The following ALDH3B2 variants were observed in gnomAD, a reference collection of about 807,000 sequenced individuals.
ALDH3B2 encodes aldehyde dehydrogenase family 3 member B2.
ALDH3B2 carries 45 observed loss-of-function variants against 36.7 expected under a neutral mutation model. The observed-to-expected ratio is 1.23, with a 90% CI of 0.97 to 1.57. The LOEUF is 1.57. Ranked by LOEUF, ALDH3B2 falls within the 40% of genes most tolerant of loss-of-function variation. ALDH3B2 has a pLI of 0.00. For missense variants in ALDH3B2, 464 were observed against 513.3 expected, an observed-to-expected ratio of 0.90 and a Z score of 0.93; for synonymous variants, 217 against 226.5, an observed-to-expected ratio of 0.96 and a Z score of 0.38.
intron 1 of ALDH3B2, among the ~76,000 whole-genome samples, chr11:67,668,283 T>G (rs1251206226): frequency 6.6e-6 from 1 of 152,038 alleles, no homozygotes; most frequent in African/African-American, 2.4e-5. Context: ...CTGGTATGGG[T>G]GGGCACAGGT....
intron 3 of ALDH3B2, 52 bp downstream of exon 3, chr11:67,666,854 G>C: frequency 5.6e-6 from 9 of 1,613,860 alleles, no homozygotes; most frequent in Non-Finnish European, 7.6e-6. Context: ...GCCTGGGCCA[G>C]AGCTACCCGG....
chr11:67,679,756 A>C (rs547820276), intron 1 of ALDH3B2, among the ~76,000 whole-genome samples: 1 of 152,270 alleles, frequency 6.6e-6, no homozygotes, highest in South Asian at 2.1e-4. Context: ...CATTCCCATC[A>C]AACCAAATTA....
chr11:67,666,177 T>C (rs1387183055), exon 6 of ALDH3B2: 11 of 1,613,996 alleles, frequency 6.8e-6, no homozygotes, highest in Admixed American at 1.7e-5. Context: ...TCTCCTGGGG[T>C]CCGCCCAGCA....
chr11:67,663,012 G>A (rs908648490), exon 10 of ALDH3B2: 60 of 652,140 alleles, frequency 9.2e-5, no homozygotes, highest in Middle Eastern at 4.1e-4. Flanking sequence ...GCGGCCTCTT[G>A]GCCTCTCTCG....
At chr11:67,663,010 T>TCGGCC (rs1855786205) in exon 10 of ALDH3B2, 1 of 642,588 alleles carries the variant, frequency 1.6e-6, no homozygotes, top group Non-Finnish European at 2.6e-6. Context: ...CTGCGGCCTC[T>TCGGCC]TGGCCTCTCT....
chr11:67,666,994 G>C lies in ALDH3B2; in HGVS notation c.-59C>G. ...CTCGTTCTGGCAAAGGATGAGCTCAGATATGTCTGCCTCGAAAGCTGGCTG... is the reference window on the plus strand; with the variant it reads ...CTCGTTCTGGCAAAGGATGAGCTCACATATGTCTGCCTCGAAAGCTGGCTG... On this transcript the variant is annotated 5_prime_UTR_variant, in exon 3 of 10. In the 5' UTR this introduces an upstream ATG that the reference lacks. Coordinates refer to ENST00000349015, the Ensembl canonical transcript of ALDH3B2. The C allele has an allele frequency of 1.9e-6, 3 of 1,604,760 alleles. No homozygotes were observed. The highest frequency in any genetic ancestry group is 1.7e-6 in the Non-Finnish European group (2 of 1,171,512).
chr11:67,668,763 T>A (rs1376572543), intron 1 of ALDH3B2, among the ~76,000 whole-genome samples: 1 of 142,494 alleles, frequency 7.0e-6, no homozygotes, highest in East Asian at 2.1e-4. Context: ...GTGCTGTGTG[T>A]CTTTGTGTGT....
chr11:67,672,943 T>C (rs1326605389), intron 1 of ALDH3B2, among the ~76,000 whole-genome samples: 1 of 148,324 alleles, frequency 6.7e-6, no homozygotes, highest in Admixed American at 6.7e-5. Flanking sequence ...CTTTTTTTTT[T>C]TTTTTGAGAC....
Position 67,664,469 on chromosome 11 carries a change from A to G in ALDH3B2, c.800T>C (p.Val267Ala), listed in dbSNP as rs1189090762. ...GTTGATGAACTTGATGGCCTCGTCC[A>G]CGCTCTGCACGTTCACGATGGGCAG... Residue 267 changes from valine to alanine, a missense_variant, in exon 8 of 10, where the codon GTG (valine) becomes GCG (alanine). Transcript: ENST00000349015. 3 of 1,613,962 alleles carry G rather than the reference A, an allele frequency of 1.9e-6. No individual in the cohort carries two copies. Among genetic ancestry groups the G allele is most frequent in the Non-Finnish European group, 8.5e-7 (1 of 1,180,002 alleles).
At chr11:67,671,238 C>A (rs1359875066) in intron 1 of ALDH3B2, 1 of 152,306 alleles carries the variant, frequency 6.6e-6, no homozygotes, top group Admixed American at 6.5e-5. Context: ...GGCAGAGGAA[C>A]CCCTGCCCTT....
At chr11:67,665,645 T>C (rs1855886513) in exon 7 of ALDH3B2, 2 of 1,612,310 alleles carry the variant, frequency 1.2e-6, no homozygotes, top group East Asian at 4.5e-5. Flanking sequence ...GCAGCAGTCA[T>C]GACAATCTTG....
At chr11:67,679,703 A>G (rs529169942), upstream of ALDH3B2, among the ~76,000 whole-genome samples, 1 of 152,058 alleles carries the variant, frequency 6.6e-6, no homozygotes, top group South Asian at 2.1e-4. Context: ...GGCGTGAAAA[A>G]AAAAAAAGTA....
At chr11:67,663,387 A>T (rs1195988945) in exon 10 of ALDH3B2, 2 of 1,611,828 alleles carry the variant, frequency 1.2e-6, no homozygotes, top group Non-Finnish European at 1.7e-6. Context: ...GTACCGGCCC[A>T]TCCCACTGTG....
At chr11:67,663,132 G>T in exon 10 of ALDH3B2, 1 of 1,468,870 alleles carries the variant, frequency 6.8e-7, no homozygotes, top group Non-Finnish European at 9.2e-7. Context: ...GCGGTCTGGA[G>T]GAACAATGTG....
At chr11:67,667,909 C>T (rs760623963) in intron 1 of ALDH3B2, 50 of 154,218 alleles carry the variant, frequency 3.2e-4, no homozygotes, top group Non-Finnish European at 3.8e-4. Context: ...CCCTCCTGGA[C>T]GCCCACCCTG....
exon 10 of ALDH3B2, chr11:67,663,038 A>C: frequency 1.2e-6 from 1 of 802,766 alleles, no homozygotes; most frequent in South Asian, 1.7e-5. Flanking sequence ...CGTCCCCCAG[A>C]TAGAAGCAAG....
intron 1 of ALDH3B2, among the ~76,000 whole-genome samples, chr11:67,668,484 A>G (rs576725428): frequency 7.7e-4 from 118 of 152,282 alleles, no homozygotes; most frequent in African/African-American, 2.6e-3. Flanking sequence ...GATTCTGAGC[A>G]TCCCAGCCCA....
intron 1 of ALDH3B2, among the ~76,000 whole-genome samples, chr11:67,668,983 G>C (rs1325390340): frequency 4.6e-5 from 7 of 151,024 alleles, no homozygotes; most frequent in African/African-American, 1.5e-4. Flanking sequence ...CTCTTTGTGT[G>C]TATGGGTGTC....
At chr11:67,673,056 G>A (rs1268936073) in intron 1 of ALDH3B2, among the ~76,000 whole-genome samples, 1 of 151,238 alleles carries the variant, frequency 6.6e-6, no homozygotes. Context: ...TCAGCCTCCC[G>A]AGTAGCTGGG....
Sources: gnomAD v4.1 joint callset for allele counts (sites outside exome capture counted in the v4.1 genomes callset) on GRCh38, gnomAD v4.1.1 for gene constraint, MANE v1.5 for transcripts, NCBI Gene and HGNC (gene_info 2026-07-23, HGNC 2026-07-21) for gene names.